The following DOCK8 variants were observed in gnomAD, a reference collection of about 807,000 sequenced individuals.
The protein encoded by DOCK8 is dedicator of cytokinesis protein 8.
A neutral mutation model predicts 245.6 loss-of-function variants in DOCK8; 141 were observed. The observed-to-expected ratio is 0.57, with a 90% CI of 0.50 to 0.66. The LOEUF is 0.66. Ranked by LOEUF, DOCK8 falls within the 30% of genes least tolerant of loss-of-function variation. The pLI is 0.00. For missense variants in DOCK8, 2,965 were observed against 2,603.4 expected, an observed-to-expected ratio of 1.14 and a Z score of -3.02; for synonymous variants, 1,168 against 970.2, an observed-to-expected ratio of 1.20 and a Z score of -3.79.
intron 25 of DOCK8, among the ~76,000 whole-genome samples, chr9:397,884 G>A (rs1003038802): frequency 6.6e-6 from 1 of 152,182 alleles, no homozygotes; most frequent in Non-Finnish European, 1.5e-5. Context: ...AGGGTATACA[G>A]TAGTTCTTTG....
At chr9:392,800 T>A (rs1046137757) in intron 24 of DOCK8, among the ~76,000 whole-genome samples, 1 of 152,086 alleles carries the variant, frequency 6.6e-6, no homozygotes, top group African/African-American at 2.4e-5. Context: ...ATTCCCCTCT[T>A]GTTTCTTGAG....
At chr9:385,473 C>A (rs117557845) in intron 22 of DOCK8, among the ~76,000 whole-genome samples, 1 of 152,278 alleles carries the variant, frequency 6.6e-6, no homozygotes, top group East Asian at 1.9e-4. Context: ...TAAACCTAGT[C>A]CCTTCCTAAT....
chr9:429,882 T>C (rs775155626), intron 36 of DOCK8, 28 bp downstream of exon 36: 2 of 1,612,820 alleles, frequency 1.2e-6, no homozygotes, highest in East Asian at 2.2e-5. Flanking sequence ...CTGAGTGACC[T>C]GGAATCAGTA....
intron 46 of DOCK8, chr9:459,868 T>C (rs1179145254): frequency 6.6e-6 from 1 of 152,230 alleles, no homozygotes; most frequent in Non-Finnish European, 1.5e-5. Context: ...TTCAGAACTC[T>C]TATAGTACAG....
At chr9:372,522 T>C (rs1472410887) in intron 18 of DOCK8, among the ~76,000 whole-genome samples, 1 of 152,200 alleles carries the variant, frequency 6.6e-6, no homozygotes, top group Non-Finnish European at 1.5e-5. Context: ...CCTTGCATTA[T>C]CTACCACAGA....
chr9:438,621 C>T (rs761776121), intron 39 of DOCK8, among the ~76,000 whole-genome samples: 1 of 152,166 alleles, frequency 6.6e-6, no homozygotes, highest in Non-Finnish European at 1.5e-5. Context: ...ATTTGGTTCA[C>T]CCCAACCATG....
rs114009043 is a variant in DOCK8 at position 301,550 on chromosome 9, A to T, written c.405-3031A>T. Among the ~76,000 whole-genome samples, 363 of 152,370 alleles carry T rather than the reference A, an allele frequency of 2.4e-3. 2 individuals are homozygous for T. The highest frequency in any genetic ancestry group is 8.3e-3 in the African/African-American group (344 of 41,592). ...CATCCCAACAGGAAGAGAGGAAGTC[A>T]AACTAGCTCTGTCACAGTGCAGGCA... On this transcript the variant is annotated intron_variant, in intron 4 of 47. Transcript: ENST00000432829.
At chr9:327,392 C>CTT (rs548852247) in intron 8 of DOCK8, among the ~76,000 whole-genome samples, 59 of 131,780 alleles carry the variant, frequency 4.5e-4, no homozygotes, top group African/African-American at 7.8e-4. Context: ...TTTCCCTCAC[C>CTT]TTTTTTTTTT....
At chr9:439,844 A>G (rs2057031274) in intron 40 of DOCK8, among the ~76,000 whole-genome samples, 1 of 152,160 alleles carries the variant, frequency 6.6e-6, no homozygotes, top group Non-Finnish European at 1.5e-5. Flanking sequence ...GCCACTGTGC[A>G]GTCTGAAGGA....
chr9:390,512 C>T lies in DOCK8; in HGVS notation c.2916C>T (p.Thr972=), dbSNP rs2297075. Reference sequence around the variant, plus strand: ...TTGCCCTTCAGATGGTGGTCAGCACCGGAATGGTGAGAGAAACAGTCTTCA... The same window carrying T: ...TTGCCCTTCAGATGGTGGTCAGCACTGGAATGGTGAGAGAAACAGTCTTCA... ...EELALQMVVS[T]GMVRETVFKY... is the part of the protein sequence containing the mutation. Residue 972 remains threonine, a synonymous_variant, in exon 24 of 48, where the codon ACC becomes ACT. Transcript: ENST00000432829. 392,853 of 1,613,320 alleles carry T rather than the reference C, an allele frequency of 0.24. 49,875 individuals carry two copies. The highest frequency in any genetic ancestry group is 0.37 in the African/African-American group (27,994 of 74,910).
chr9:246,981 A>AG (rs901219885), intron 1 of DOCK8, among the ~76,000 whole-genome samples: 5 of 152,170 alleles, frequency 3.3e-5, no homozygotes, highest in African/African-American at 1.2e-4. Context: ...GTGATACCAC[A>AG]GAAAAAAAAT....
At chr9:295,815 A>T (rs2049238164) in intron 4 of DOCK8, among the ~76,000 whole-genome samples, 2 of 152,142 alleles carry the variant, frequency 1.3e-5, no homozygotes, top group Non-Finnish European at 2.9e-5. Flanking sequence ...AGTAATGGCC[A>T]CTTGTGTTCC....
rs917872190 is a variant in DOCK8 at position 380,011 on chromosome 9, T to C, written c.2605+76T>C. The C allele has an allele frequency of 1.4e-5, 21 of 1,517,056 alleles. No homozygotes were observed. The Admixed American group carries it at 3.5e-4, about 25-fold the overall frequency. The allele number at this position is 1,517,056 out of a possible 1,614,324, so 94.0% of individuals were successfully genotyped here. A position where few individuals can be genotyped will look rare whatever the true frequency, so the allele number is the denominator to read the frequency against. On this transcript the variant is annotated intron_variant, in intron 21 of 47. Coordinates refer to ENST00000432829, the MANE Select transcript of DOCK8 (RefSeq NM_203447.4). The stretch of plus-strand genomic sequence containing the variant: ...CACCCCACTGCAGTGTAATCCAAAA[T>C]AAAACATCCTATGCTGGGTGCAGGG...
intron 1 of DOCK8, among the ~76,000 whole-genome samples, chr9:258,058 G>T (rs1374370651): frequency 6.6e-6 from 1 of 151,988 alleles, no homozygotes; most frequent in East Asian, 1.9e-4. Flanking sequence ...GTGTTCAAGG[G>T]CAAACAAAAA....
At chr9:301,218 TAGAC>T (rs2049530318) in intron 4 of DOCK8, among the ~76,000 whole-genome samples, 1 of 152,118 alleles carries the variant, frequency 6.6e-6, no homozygotes, top group Non-Finnish European at 1.5e-5. Context: ...ACTCATCACA[TAGAC>T]AGAATTAAAA....
chr9:326,734 C>T (rs1205429432), intron 8 of DOCK8, among the ~76,000 whole-genome samples: 1 of 152,212 alleles, frequency 6.6e-6, no homozygotes, highest in African/African-American at 2.4e-5. Context: ...ATGTTCTCTC[C>T]CCAAATTACT....
intron 4 of DOCK8, among the ~76,000 whole-genome samples, chr9:291,758 T>A (rs576235314): frequency 6.6e-5 from 10 of 151,656 alleles, no homozygotes; most frequent in African/African-American, 2.4e-4. Flanking sequence ...ATTTAAAGAT[T>A]TGGAATACTA....
chr9:333,962 C>A (rs994728044), intron 10 of DOCK8, among the ~76,000 whole-genome samples: 2 of 152,074 alleles, frequency 1.3e-5, no homozygotes, highest in African/African-American at 4.8e-5. Context: ...TTTTTGTTTT[C>A]GTTAGCTAAA....
intron 33 of DOCK8, among the ~76,000 whole-genome samples, chr9:425,478 G>A (rs942355550): frequency 4.7e-5 from 7 of 148,390 alleles, no homozygotes; most frequent in Non-Finnish European, 8.9e-5. Context: ...CTTGCGGTGA[G>A]CCAAGATTGC....
Sources: gnomAD v4.1 joint callset for allele counts (sites outside exome capture counted in the v4.1 genomes callset) on GRCh38, gnomAD v4.1.1 for gene constraint, MANE v1.5 for transcripts, NCBI Gene and HGNC (gene_info 2026-07-23, HGNC 2026-07-21) for gene names.